The following SLC22A9 variants were observed in gnomAD, a reference collection of about 807,000 sequenced individuals.
SLC22A9 encodes the protein solute carrier family 22 member 9, also known as organic anion transporter 7.
SLC22A9 carries 64 observed loss-of-function variants against 50.1 expected under a neutral mutation model. The observed-to-expected ratio is 1.28, with a 90% CI of 1.04 to 1.57. The LOEUF (loss-of-function observed/expected upper bound fraction) is 1.57, where lower values mean the gene tolerates loss of function less well. Ranked by LOEUF, SLC22A9 falls within the 40% of genes most tolerant of loss-of-function variation. The probability of loss-of-function intolerance (pLI) is 0.00; values close to 1 mark genes in which losing one functional copy is unlikely to be tolerated. For missense variants in SLC22A9, 757 were observed against 676.1 expected (o/e 1.12, Z -1.33); for synonymous variants, 261 against 242.5 (o/e 1.08, Z -0.71).
intron 5 of SLC22A9, among the ~76,000 whole-genome samples, chr11:63,377,249 A>T (rs2014477844): frequency 1.3e-5 from 2 of 152,062 alleles, no homozygotes; most frequent in African/African-American, 4.8e-5. Flanking sequence ...AATATACGTT[A>T]TTCTCCTCTG....
At chr11:63,375,579 GA>G (rs1171562520) in intron 4 of SLC22A9, 65 bp from the exon 5 acceptor site, 2 of 1,571,838 alleles carry the variant, frequency 1.3e-6, no homozygotes, top group Admixed American at 1.9e-5. Flanking sequence ...GACATCTTAA[GA>G]AAAAACTAAT....
At chr11:63,388,158 A>G (rs1341772846) in intron 6 of SLC22A9, among the ~76,000 whole-genome samples, 1 of 152,054 alleles carries the variant, frequency 6.6e-6, no homozygotes. Context: ...AATGTCCTTG[A>G]TTTCTTTCTC....
At chr11:63,400,433 A>G (rs2014933364) in intron 6 of SLC22A9, among the ~76,000 whole-genome samples, 1 of 152,064 alleles carries the variant, frequency 6.6e-6, no homozygotes, top group South Asian at 2.1e-4. Context: ...TTTTTGACAC[A>G]TAGAATATTG....
chr11:63,398,215 C>A (rs550032495), intron 6 of SLC22A9, among the ~76,000 whole-genome samples: 2 of 152,046 alleles, frequency 1.3e-5, no homozygotes, highest in Non-Finnish European at 2.9e-5. Context: ...GCCCCAGGAC[C>A]CTATTCTACT....
intron 6 of SLC22A9, among the ~76,000 whole-genome samples, chr11:63,400,332 C>A (rs1032648163): frequency 3.9e-5 from 6 of 151,982 alleles, no homozygotes; most frequent in Non-Finnish European, 7.4e-5. Context: ...GATATTACAA[C>A]TGACATCACA....
chr11:63,385,901 G>C (rs959156330), intron 6 of SLC22A9, among the ~76,000 whole-genome samples: 2 of 152,134 alleles, frequency 1.3e-5, no homozygotes, highest in Non-Finnish European at 2.9e-5. Flanking sequence ...TCCAGCTTTT[G>C]CCCATTCAGA....
At chr11:63,393,409 G>A (rs117312995) in intron 6 of SLC22A9, among the ~76,000 whole-genome samples, 1,805 of 152,128 alleles carry the variant, frequency 0.012, 15 homozygotes, top group Non-Finnish European at 0.018. Context: ...GTGTTTTCAA[G>A]GTAAACAATC....
chr11:63,395,605 G>C (rs142727358), intron 6 of SLC22A9, among the ~76,000 whole-genome samples: 1 of 152,174 alleles, frequency 6.6e-6, no homozygotes, highest in Non-Finnish European at 1.5e-5. Flanking sequence ...ACCAGCACCT[G>C]TTCTGGTGGA....
intron 6 of SLC22A9, among the ~76,000 whole-genome samples, chr11:63,384,770 AT>A (rs1252293295): frequency 1.3e-5 from 2 of 152,088 alleles, no homozygotes; most frequent in Non-Finnish European, 2.9e-5. Flanking sequence ...GTGTAAAAGC[AT>A]TACTGTTTCT....
intron 2 of SLC22A9, among the ~76,000 whole-genome samples, chr11:63,372,232 G>C (rs1044896059): frequency 1.3e-5 from 2 of 151,958 alleles, no homozygotes; most frequent in African/African-American, 4.8e-5. Flanking sequence ...AAACCTAAGA[G>C]GAAATATTAT....
intron 5 of SLC22A9, among the ~76,000 whole-genome samples, chr11:63,378,503 A>T (rs1316946247): frequency 6.6e-6 from 1 of 152,150 alleles, no homozygotes; most frequent in Non-Finnish European, 1.5e-5. Flanking sequence ...TATTAAGCAT[A>T]GTACTCAAAG....
chr11:63,387,866 T>G (rs2014696185), intron 6 of SLC22A9, among the ~76,000 whole-genome samples: 1 of 152,100 alleles, frequency 6.6e-6, no homozygotes, highest in African/African-American at 2.4e-5. Context: ...TTTTTTCACT[T>G]TTTATTAACT....
At chr11:63,402,600 C>T (rs2014969083) in intron 6 of SLC22A9, among the ~76,000 whole-genome samples, 1 of 151,600 alleles carries the variant, frequency 6.6e-6, no homozygotes, top group Non-Finnish European at 1.5e-5. Flanking sequence ...TATTTGAGCT[C>T]CACTGTGACA....
chr11:63,407,687 C>A (rs1208536874), intron 7 of SLC22A9, among the ~76,000 whole-genome samples: 2 of 152,162 alleles, frequency 1.3e-5, no homozygotes, highest in Admixed American at 1.3e-4. Context: ...AGCCCCATGT[C>A]AATACTGTGT....
chr11:63,379,896 T>TA (rs1305372160), intron 5 of SLC22A9, among the ~76,000 whole-genome samples: 1 of 152,142 alleles, frequency 6.6e-6, no homozygotes, highest in Non-Finnish European at 1.5e-5. Context: ...CATACCTGAC[T>TA]AATTTTTGTA....
intron 6 of SLC22A9, among the ~76,000 whole-genome samples, chr11:63,404,031 G>C (rs1290285528): frequency 1.3e-5 from 2 of 151,988 alleles, no homozygotes; most frequent in Non-Finnish European, 2.9e-5. Flanking sequence ...ATTTGGAAGA[G>C]ATATTTGCAC....
intron 6 of SLC22A9, among the ~76,000 whole-genome samples, chr11:63,389,909 G>T (rs891833719): frequency 6.6e-6 from 1 of 152,144 alleles, no homozygotes; most frequent in Non-Finnish European, 1.5e-5. Context: ...TTGTGGTTTT[G>T]ATTTACATTT....
chr11:63,378,570 A>G (rs577455172), intron 5 of SLC22A9, among the ~76,000 whole-genome samples: 18 of 152,172 alleles, frequency 1.2e-4, no homozygotes, highest in South Asian at 2.1e-4. Context: ...GGAAGAGAGG[A>G]AGTCAAAATA....
chr11:63,400,060 T>C (rs913071609), intron 6 of SLC22A9, among the ~76,000 whole-genome samples: 8 of 151,920 alleles, frequency 5.3e-5, no homozygotes, highest in Non-Finnish European at 8.8e-5. Flanking sequence ...TTTATAGCAA[T>C]AAACACCTAC....
Sources: gnomAD v4.1 joint callset for allele counts (sites outside exome capture counted in the v4.1 genomes callset) on GRCh38, gnomAD v4.1.1 for gene constraint, MANE v1.5 for transcripts, NCBI Gene and HGNC (gene_info 2026-07-23, HGNC 2026-07-21) for gene names.